Variants in GREB1 observed in about 807,000 individuals in gnomAD.
The protein encoded by GREB1 is growth regulating estrogen receptor binding 1.
GREB1 carries 106 observed loss-of-function variants against 200.7 expected under a neutral mutation model. The observed-to-expected ratio is 0.53, with a 90% CI of 0.45 to 0.62. The LOEUF (loss-of-function observed/expected upper bound fraction) is 0.62. GREB1 is among the 20% of genes least tolerant of loss of function. The probability of loss-of-function intolerance (pLI) is 0.00; values close to 1 mark genes in which losing one functional copy is unlikely to be tolerated. For missense variants in GREB1, 2,243 were observed against 2,556.8 expected (o/e 0.88, Z 2.65); for synonymous variants, 1,132 against 1,092.4 (o/e 1.04, Z -0.72).
intron 21 of GREB1, 60 bp from the exon 22 acceptor site, chr2:11,618,201 ACTCCTGGGACAGGTCACTCCTGGGATG>A: frequency 8.0e-7 from 1 of 1,252,012 alleles, no homozygotes; most frequent in East Asian, 3.2e-5. Context: ...GGGATGGGTG[ACTCCTGGGACAGGTCACTCCTGGGATG>A]GGTGACTCCT....
intron 7 of GREB1, among the ~76,000 whole-genome samples, chr2:11,583,632 G>A (rs1193848329): frequency 6.6e-6 from 1 of 152,118 alleles, no homozygotes; most frequent in Non-Finnish European, 1.5e-5. Context: ...GGCTGAGCAG[G>A]CGGATCACCT....
At chr2:11,578,232 G>A in intron 5 of GREB1, 65 bp from the exon 6 acceptor site, 1 of 1,555,116 alleles carries the variant, frequency 6.4e-7, no homozygotes, top group Non-Finnish European at 8.8e-7. Context: ...TCCACTCCAG[G>A]AACTCATTTC....
intron 7 of GREB1, among the ~76,000 whole-genome samples, chr2:11,581,603 A>T (rs1427242597): frequency 3.9e-5 from 6 of 152,128 alleles, no homozygotes; most frequent in Non-Finnish European, 8.8e-5. Context: ...CAACCTGGGG[A>T]CCTGCTCGTG....
intron 23 of GREB1, among the ~76,000 whole-genome samples, chr2:11,622,120 G>A (rs1210666398): frequency 2.6e-5 from 4 of 152,098 alleles, no homozygotes; most frequent in African/African-American, 7.2e-5. Flanking sequence ...TAGCTATGTT[G>A]CCCGGGCTGG....
intron 31 of GREB1, 39 bp downstream of exon 31, chr2:11,637,955 G>A: frequency 6.5e-7 from 1 of 1,537,610 alleles, no homozygotes; most frequent in Non-Finnish European, 9.0e-7. Context: ...CCCTAATTCA[G>A]AGAAATCTCT....
rs900710209 is a variant in GREB1, at chr2:11,633,775, C to G, written c.4992-356C>G. On this transcript the variant is annotated intron_variant, in intron 28 of 32. Transcript: ENST00000381486. The surrounding 1 kb of genome is among the most constrained non-coding windows in gnomAD (Gnocchi z 4.1). Reference sequence around the variant, plus strand: ...CCCTTCCTGCTGCCCCAGCCCCACCCCTCCTCACTAGCCTGACTGCTGACT... The same window carrying G: ...CCCTTCCTGCTGCCCCAGCCCCACCGCTCCTCACTAGCCTGACTGCTGACT... Among the ~76,000 whole-genome samples, 1 of 152,200 alleles carries G rather than the reference C, an allele frequency of 6.6e-6. No homozygotes were observed. Among genetic ancestry groups the G allele is most frequent in the Non-Finnish European group, 1.5e-5 (1 of 68,030 alleles).
At chr2:11,537,796 T>A (rs1434575013) in intron 1 of GREB1, among the ~76,000 whole-genome samples, 1 of 149,008 alleles carries the variant, frequency 6.7e-6, no homozygotes, top group African/African-American at 2.4e-5. Flanking sequence ...ATAAAATACA[T>A]ACATGTATTT....
chr2:11,485,270 T>C (rs1381805084), intron 1 of GREB1, among the ~76,000 whole-genome samples: 2 of 88,126 alleles, frequency 2.3e-5, no homozygotes, highest in East Asian at 6.7e-4. Context: ...TATATATATA[T>C]ATGTATTTTT....
At chr2:11,571,052 T>TA (rs1452202952) in intron 4 of GREB1, among the ~76,000 whole-genome samples, 1 of 152,114 alleles carries the variant, frequency 6.6e-6, no homozygotes, top group Non-Finnish European at 1.5e-5. Flanking sequence ...TATATATATA[T>TA]AAAACGTTGT....
At chr2:11,488,340 A>C (rs183490021) in intron 1 of GREB1, among the ~76,000 whole-genome samples, 2 of 152,298 alleles carry the variant, frequency 1.3e-5, no homozygotes, top group East Asian at 3.9e-4. Context: ...ACAGAGACGA[A>C]ACCTCCTGGA....
chr2:11,530,821 T>C (rs761129467), upstream of GREB1, among the ~76,000 whole-genome samples: 7 of 152,032 alleles, frequency 4.6e-5, no homozygotes, highest in Non-Finnish European at 8.8e-5. Context: ...TTAAGTTTAA[T>C]ACACACAATT....
chr2:11,552,747 C>G (rs893332636), intron 1 of GREB1, among the ~76,000 whole-genome samples: 7 of 152,014 alleles, frequency 4.6e-5, no homozygotes, highest in Non-Finnish European at 1.0e-4. Context: ...CGCGGTGGCT[C>G]ACGCCTGTAA....
rs183128038 is a variant in GREB1, at chr2:11,566,328, T to C, written c.278-152T>C. 30 of 677,648 alleles carry C rather than the reference T, an allele frequency of 4.4e-5. No individual in the cohort carries two copies. In the African/African-American group the frequency reaches 4.7e-4, roughly 11 times the overall value. The allele number at this position is 677,648 out of a possible 1,614,324, so 42.0% of individuals were successfully genotyped here. ...TACCATGCCCAGCCAACTAAGATTA[T>C]AGTTCTATCTCTCAGGATTAATTTT... On this transcript the variant is annotated intron_variant, in intron 3 of 32. Transcript: ENST00000381486.
chr2:11,608,807 C>T (rs1682645817), intron 17 of GREB1, among the ~76,000 whole-genome samples: 1 of 152,208 alleles, frequency 6.6e-6, no homozygotes. Context: ...TGGGTCATTT[C>T]CTTACATATG....
upstream of GREB1, among the ~76,000 whole-genome samples, chr2:11,531,462 TG>T (rs1674072334): frequency 6.6e-6 from 1 of 152,138 alleles, no homozygotes; most frequent in Non-Finnish European, 1.5e-5. Context: ...AAAAAATGCA[TG>T]TGATCATTTG....
chr2:11,547,079 G>A (rs926809622), intron 1 of GREB1, among the ~76,000 whole-genome samples: 1 of 151,860 alleles, frequency 6.6e-6, no homozygotes, highest in African/African-American at 2.4e-5. Context: ...CGAGTAGCTG[G>A]GATTACAGGT....
intron 15 of GREB1, 90 bp downstream of exon 15, chr2:11,598,950 T>C: frequency 9.4e-7 from 1 of 1,062,492 alleles, no homozygotes; most frequent in South Asian, 1.4e-5. Context: ...GTACAAATCC[T>C]GAAAAGATGG....
chr2:11,614,914 T>C (rs1683275406), intron 19 of GREB1, among the ~76,000 whole-genome samples, 177 bp from the exon 20 acceptor site: 1 of 152,200 alleles, frequency 6.6e-6, no homozygotes. Context: ...TTTACTATTA[T>C]ACTGAATTTG....
chr2:11,534,396 G>A (rs924714759), intron 1 of GREB1, 142 bp downstream of exon 1: 1 of 152,202 alleles, frequency 6.6e-6, no homozygotes, highest in African/African-American at 2.4e-5. Flanking sequence ...AAACCCACAA[G>A]GTATTCAAAT....
Sources: allele counts gnomAD v4.1 joint callset (sites outside exome capture counted in the v4.1 genomes callset), GRCh38; gene constraint gnomAD v4.1.1; non-coding constraint Gnocchi (gnomAD v3.1); transcripts MANE v1.5; gene names NCBI Gene and HGNC (gene_info 2026-07-23, HGNC 2026-07-21).